C11orf65: variants seen among roughly 807,000 people sequenced by gnomAD.
The protein encoded by C11orf65 is chromosome 11 open reading frame 65.
In C11orf65, 38 loss-of-function variants were observed where a neutral mutation model predicts 35.3. That is an observed-to-expected ratio of 1.08 (90% CI 0.83 to 1.41). The LOEUF is 1.41. C11orf65 is among the 40% of genes most tolerant of loss of function. The pLI, the probability that C11orf65 is intolerant of heterozygous loss-of-function variation, is 0.00. For missense variants in C11orf65, 370 were observed against 367.1 expected (o/e 1.01, Z -0.06); for synonymous variants, 105 against 114.4 (o/e 0.92, Z 0.53).
At chr11:108,368,301 A>AG (rs2091437749) in intron 2 of C11orf65, 1 of 213,346 alleles carries the variant, frequency 4.7e-6, no homozygotes, top group Non-Finnish European at 9.5e-6. Flanking sequence ...AAAAAAAAAA[A>AG]AAAAGGTTTT....
At chr11:108,360,378 C>G (rs1173867083) in intron 2 of C11orf65, among the ~76,000 whole-genome samples, 4 of 149,446 alleles carry the variant, frequency 2.7e-5, no homozygotes, top group African/African-American at 1.0e-4. Flanking sequence ...CAAGGAGGAA[C>G]TGGTACCATT....
chr11:108,389,592 C>T (rs2092098107), intron 7 of C11orf65, among the ~76,000 whole-genome samples: 2 of 152,112 alleles, frequency 1.3e-5, no homozygotes, highest in African/African-American at 4.8e-5. Flanking sequence ...TTGCTCTTAT[C>T]ATCTGAAAGC....
At chr11:108,327,873 T>C (rs2085842160), downstream of C11orf65, 2 of 869,172 alleles carry the variant, frequency 2.3e-6, no homozygotes, top group Admixed American at 4.1e-5. Context: ...TTTTTCTATA[T>C]ATTATTACTG....
chr11:108,315,735 A>G (rs2136113513), intron 6 of C11orf65: 1 of 902,372 alleles, frequency 1.1e-6, no homozygotes. Context: ...TGGGAGTTAC[A>G]TATTGGTAAT....
chr11:108,468,280 G>A (rs1484085875), upstream of C11orf65, among the ~76,000 whole-genome samples: 1 of 152,206 alleles, frequency 6.6e-6, no homozygotes, highest in African/African-American at 2.4e-5. Context: ...TCTTCAGCTG[G>A]TTAAGCTAAA....
intron 2 of C11orf65, among the ~76,000 whole-genome samples, chr11:108,364,836 G>A (rs540226915): frequency 2.5e-4 from 38 of 152,314 alleles, no homozygotes; most frequent in African/African-American, 7.7e-4. Flanking sequence ...ATCCAGTCAG[G>A]AAACATGGGT....
chr11:108,361,844 C>A (rs1315282418), intron 2 of C11orf65, among the ~76,000 whole-genome samples: 1 of 151,692 alleles, frequency 6.6e-6, no homozygotes, highest in Non-Finnish European at 1.5e-5. Context: ...CCATAAAAAC[C>A]CTAGAAGAAA....
chr11:108,402,949 A>G (rs774485569), intron 6 of C11orf65, among the ~76,000 whole-genome samples: 6 of 152,180 alleles, frequency 3.9e-5, no homozygotes, highest in Non-Finnish European at 7.3e-5. Flanking sequence ...TCCTTTGTGT[A>G]GATATCCTAC....
At chr11:108,329,351 G>A (rs1365534199), downstream of C11orf65, 2 of 1,004,478 alleles carry the variant, frequency 2.0e-6, no homozygotes. Context: ...GAGCTCTAAA[G>A]GTCGGCTTAA....
chr11:108,329,034 C>G (rs1591150471), downstream of C11orf65: 1 of 1,613,894 alleles, frequency 6.2e-7, no homozygotes, highest in Non-Finnish European at 8.5e-7. Flanking sequence ...GTAGAAGTTG[C>G]TGGAAATTAT....
At chr11:108,431,451 T>C (rs1293995101) in intron 3 of C11orf65, among the ~76,000 whole-genome samples, 3 of 152,158 alleles carry the variant, frequency 2.0e-5, no homozygotes, top group Admixed American at 1.3e-4. Context: ...AAGTATTATG[T>C]TAGAATATAA....
chr11:108,366,029 CAA>C (rs369583811), intron 2 of C11orf65: 632 of 100,328 alleles, frequency 6.3e-3, no homozygotes, highest in Middle Eastern at 0.026. Flanking sequence ...AACTCCATCT[CAA>C]AAAAAAAAAA....
chr11:108,395,228 T>G (rs2092278358), intron 6 of C11orf65, among the ~76,000 whole-genome samples: 1 of 151,910 alleles, frequency 6.6e-6, no homozygotes, highest in African/African-American at 2.4e-5. Context: ...TGGTGGCTCA[T>G]GCCTGCAATC....
intron 6 of C11orf65, among the ~76,000 whole-genome samples, chr11:108,393,843 T>C (rs2138433389): frequency 6.6e-6 from 1 of 152,298 alleles, no homozygotes; most frequent in Non-Finnish European, 1.5e-5. Context: ...ATACCTTTTC[T>C]TTGTGCCAGG....
chr11:108,424,924 G>A (rs561292475), intron 3 of C11orf65, among the ~76,000 whole-genome samples: 5 of 152,088 alleles, frequency 3.3e-5, no homozygotes, highest in South Asian at 2.1e-4. Flanking sequence ...ATAACGAAAC[G>A]AAGGCAGAAA....
At chr11:108,456,244 A>G (rs1467671905) in intron 2 of C11orf65, among the ~76,000 whole-genome samples, 1 of 152,210 alleles carries the variant, frequency 6.6e-6, no homozygotes, top group Admixed American at 6.6e-5. Flanking sequence ...TGATTTAAAC[A>G]ATGGCACCAC....
chr11:108,358,308 T>A (rs1245871984), intron 2 of C11orf65, among the ~76,000 whole-genome samples: 1 of 142,786 alleles, frequency 7.0e-6, no homozygotes. Flanking sequence ...AAAGACCAAA[T>A]CTACGTCTGA....
chr11:108,425,780 A>G (rs1330749978), intron 3 of C11orf65, among the ~76,000 whole-genome samples: 1 of 152,208 alleles, frequency 6.6e-6, no homozygotes, highest in Non-Finnish European at 1.5e-5. Flanking sequence ...CTAGCAGCAC[A>G]TCAAAAAGCG....
downstream of C11orf65, among the ~76,000 whole-genome samples, chr11:108,382,552 A>G (rs1026327911): frequency 6.6e-6 from 1 of 152,228 alleles, no homozygotes; most frequent in Non-Finnish European, 1.5e-5. Flanking sequence ...AACTAGAATG[A>G]GTAAGCAGAC....
Sources: allele counts gnomAD v4.1 joint callset (sites outside exome capture counted in the v4.1 genomes callset), GRCh38; gene constraint gnomAD v4.1.1; transcripts MANE v1.5; gene names NCBI Gene and HGNC (gene_info 2026-07-23, HGNC 2026-07-21).